The following U2AF2 variants were observed in gnomAD, a reference collection of about 807,000 sequenced individuals.
U2AF2 encodes the protein splicing factor U2AF 65 kDa subunit.
In U2AF2, 6 loss-of-function variants were observed where a neutral mutation model predicts 52.6. The observed-to-expected ratio is 0.11, with a 90% CI of 0.06 to 0.23. The LOEUF (loss-of-function observed/expected upper bound fraction) is 0.23. Among genes scored for constraint, U2AF2 ranks in the 10% least tolerant of loss-of-function variants. U2AF2 has a pLI of 1.00. For missense variants in U2AF2, 222 were observed against 677.1 expected (o/e 0.33, Z 7.46); for synonymous variants, 284 against 258.2 (o/e 1.10, Z -0.96).
chr19:55,659,243 G>A lies in U2AF2; in HGVS notation c.83G>A (p.Ser28Asn). ...RDKENRHRKRSHSRSRSRDRK... is the reference protein window; with the variant it reads ...RDKENRHRKRNHSRSRSRDRK... ...AAGGAGAACCGGCATCGGAAGCGCA[G>A]CCACAGCCGCTCTCGGAGCCGGGAC... The change falls in exon 2 of 12, where the codon AGC (serine) becomes AAC (asparagine). Residue 28 changes from serine (S) to asparagine (N), a missense_variant. Physicochemically the swap from Ser to Asn is conservative, Grantham distance 46. Coordinates refer to ENST00000308924, the MANE Select transcript of U2AF2 (RefSeq NM_007279.3). 2 of 1,600,554 alleles carry A rather than the reference G, an allele frequency of 1.2e-6. No homozygotes were observed. The highest frequency in any genetic ancestry group is 1.7e-6 in the Non-Finnish European group (2 of 1,172,882).
At chr19:55,665,640 G>A (rs1448597444) in intron 7 of U2AF2, among the ~76,000 whole-genome samples, 1 of 152,180 alleles carries the variant, frequency 6.6e-6, no homozygotes, top group Non-Finnish European at 1.5e-5. Flanking sequence ...CCCACTGCCT[G>A]TTTTTTGTTT....
rs149491308 is a variant in U2AF2 at position 55,662,540 on chromosome 19, G to T, written c.525G>T (p.Leu175=). 2.1e-5 allele frequency: 33 copies of T among 1,607,074 alleles called. No individual in the cohort carries two copies. Among genetic ancestry groups the T allele is most frequent in the South Asian group, 4.4e-5 (4 of 90,706 alleles). The part of the protein sequence containing the change: ...MMDFFNAQMR[L]GGLTQAPGNP... ...ATTTCTTCAACGCCCAGATGCGCCT[G>T]GGGGGGCTGACCCAGGCCCCTGGCA... The change falls in exon 6 of 12, where the codon CTG becomes CTT. Residue 175 remains leucine, a synonymous_variant. Transcript: ENST00000308924.
At chr19:55,665,166 C>T (rs1318274620) in intron 7 of U2AF2, among the ~76,000 whole-genome samples, 2 of 152,232 alleles carry the variant, frequency 1.3e-5, no homozygotes, top group Non-Finnish European at 2.9e-5. Context: ...ACGTCTCTTC[C>T]TGGTGAATCC....
chr19:55,659,905 C>T (rs1432506063), intron 2 of U2AF2, among the ~76,000 whole-genome samples: 1 of 152,132 alleles, frequency 6.6e-6, no homozygotes, highest in Non-Finnish European at 1.5e-5. Context: ...GCAGGATAGG[C>T]GGAAGTCCTC....
At chr19:55,661,255 A>G (rs1033267743) in intron 5 of U2AF2, 66 bp downstream of exon 5, 2 of 1,322,456 alleles carry the variant, frequency 1.5e-6, no homozygotes, top group Admixed American at 2.9e-5. Flanking sequence ...CCTTCCCTCC[A>G]TTCCCTTTCC....
In U2AF2 at chr19:55,672,642, TG is replaced by T. The variant is rs534294190; in HGVS notation, c.1294-1291del. 9.8e-5 allele frequency among the ~76,000 whole-genome samples: 15 copies of T among 152,328 alleles called. No individual in the cohort carries two copies. The East Asian group carries it at 1.5e-3, about 16-fold the overall frequency. On this transcript the variant is annotated intron_variant, in intron 11 of 11. Transcript: ENST00000308924. ...ACCAGATAACCTTAAAAAATTGTTT[TG>T]TTTTTTTAACAAAACCACAATAGCA...
Position 55,660,532 on chromosome 19 carries a change from G to A in U2AF2, c.247G>A (p.Glu83Lys), listed in dbSNP as rs1568549584. ...HGGLIRSPRH[E>K]KKKKVRKYWD... Reference sequence around the variant, plus strand: ...CTCCCCCAGTCGTTCCCCCCGCCACGAGAAGAAGAAGAAGGTCCGTAAATA... The same window carrying A: ...CTCCCCCAGTCGTTCCCCCCGCCACAAGAAGAAGAAGAAGGTCCGTAAATA... The change falls in exon 4 of 12, where the codon GAG (glutamate) becomes AAG (lysine). Residue 83 changes from glutamate (E) to lysine (K), a missense_variant. Glu to Lys is a moderately conservative substitution (Grantham distance 56). Coordinates refer to ENST00000308924, the MANE Select transcript of U2AF2 (RefSeq NM_007279.3). The A allele has an allele frequency of 3.7e-6, 3 of 808,398 alleles. No individual in the cohort carries two copies. Among genetic ancestry groups the A allele is most frequent in the East Asian group, 5.8e-5 (1 of 17,388 alleles). 50.1% of individuals were successfully genotyped at this position (808,398 alleles called of 1,614,324 possible).
At chr19:55,658,049 T>G (rs1203114016) in intron 1 of U2AF2, among the ~76,000 whole-genome samples, 1 of 152,172 alleles carries the variant, frequency 6.6e-6, no homozygotes, top group African/African-American at 2.4e-5. Flanking sequence ...TTGTGATGCT[T>G]TTCCAGACAT....
intron 6 of U2AF2, 58 bp downstream of exon 6, chr19:55,662,676 T>C: frequency 1.4e-6 from 2 of 1,476,686 alleles, no homozygotes; most frequent in Non-Finnish European, 9.4e-7. Context: ...GGCCCAGCCC[T>C]TAGGCTGATG....
intron 1 of U2AF2, among the ~76,000 whole-genome samples, chr19:55,656,892 T>C (rs574688197): frequency 6.8e-4 from 103 of 152,340 alleles, no homozygotes; most frequent in African/African-American, 2.5e-3. Flanking sequence ...AGAGATTGTG[T>C]CAGAGTTGGG....
rs1983684392 is a variant in U2AF2 at position 55,655,085 on chromosome 19, C to T, written c.-20C>T. ...AAGGCGAGGCGAAAGCTGCACAGGGCCCTACGCGGCCGCCTCAGCATGTCG... is the reference window on the plus strand; with the variant it reads ...AAGGCGAGGCGAAAGCTGCACAGGGTCCTACGCGGCCGCCTCAGCATGTCG... On this transcript the variant is annotated 5_prime_UTR_variant, in exon 1 of 12. Coordinates refer to ENST00000308924, the MANE Select transcript of U2AF2 (RefSeq NM_007279.3). The T allele has an allele frequency of 5.6e-6, 9 of 1,605,648 alleles. No homozygotes were observed. The highest frequency in any genetic ancestry group is 3.3e-5 in the South Asian group (3 of 90,660).
At chr19:55,664,433 C>A (rs904026498) in intron 7 of U2AF2, among the ~76,000 whole-genome samples, 1 of 152,178 alleles carries the variant, frequency 6.6e-6, no homozygotes, top group Non-Finnish European at 1.5e-5. Context: ...TGTGCAAAAC[C>A]AGGTGATGGG....
intron 7 of U2AF2, among the ~76,000 whole-genome samples, chr19:55,667,674 C>T (rs1487144680): frequency 3.3e-5 from 5 of 152,212 alleles, no homozygotes; most frequent in Admixed American, 6.5e-5. Flanking sequence ...TGTTCTGAGA[C>T]TTCCCGGGCA....
intron 5 of U2AF2, 21 bp downstream of exon 5, chr19:55,661,210 C>T: frequency 1.9e-6 from 3 of 1,565,416 alleles, no homozygotes; most frequent in Non-Finnish European, 1.7e-6. Context: ...CCCCTGCCCC[C>T]TACCCTCTCC....
Position 55,668,798 on chromosome 19 carries a change from TC to T in U2AF2, c.945+10del, listed in dbSNP as rs1179464129. 1 of 1,607,962 alleles carries T rather than the reference TC, an allele frequency of 6.2e-7. No homozygotes were observed. The highest frequency in any genetic ancestry group is 1.3e-5 in the African/African-American group (1 of 74,888). On this transcript the variant is annotated splice_region_variant and intron_variant, in intron 9 of 11. Transcript: ENST00000308924. The surrounding 1 kb of genome is among the most constrained non-coding windows in gnomAD (Gnocchi z 5.5). Reference sequence around the variant, plus strand: ...ACATCAACGTCACGGATCAGGTGAGTCCCCGGTCGCTGGCCGCTGCCGCGTC... The same window carrying T: ...ACATCAACGTCACGGATCAGGTGAGTCCCGGTCGCTGGCCGCTGCCGCGTC...
intron 1 of U2AF2, 32 bp downstream of exon 1, chr19:55,655,185 T>C (rs1600065514): frequency 6.3e-7 from 1 of 1,591,246 alleles, no homozygotes. Flanking sequence ...GGCGGAGGTG[T>C]GGGCGGCTCC....
rs934313952 is a variant in U2AF2 at position 55,674,169 on chromosome 19, G to C, written c.*101G>C. ...GAAGACGATGGGCAGAGGAGTGACA[G>C]CCGCAGACACACGACAGCCGGCAGC... is the stretch of plus-strand genomic sequence containing the variant. On this transcript the variant is annotated 3_prime_UTR_variant, in exon 12 of 12. Coordinates refer to ENST00000308924, the MANE Select transcript of U2AF2 (RefSeq NM_007279.3). 10 of 958,324 alleles carry C rather than the reference G, an allele frequency of 1.0e-5. No individual in the cohort carries two copies. Among genetic ancestry groups the C allele is most frequent in the Non-Finnish European group, 1.3e-6 (1 of 767,848 alleles). 59.4% of individuals were successfully genotyped at this position (958,324 alleles called of 1,614,324 possible). A position where few individuals can be genotyped will look rare whatever the true frequency, so the allele number is the denominator to read the frequency against.
chr19:55,663,280 C>T (rs555981577), intron 6 of U2AF2, among the ~76,000 whole-genome samples: 47 of 152,326 alleles, frequency 3.1e-4, no homozygotes, highest in African/African-American at 1.0e-3. Context: ...ACCAGAAAGA[C>T]TCCAGTACTG....
At position 55,674,390 on chromosome 19, in the gene U2AF2, C is replaced by T; in HGVS notation, c.*322C>T. The T allele has an allele frequency of 3.3e-6, 1 of 305,160 alleles. No individual in the cohort carries two copies. The highest frequency in any genetic ancestry group is 6.2e-6 in the Non-Finnish European group (1 of 160,348). The allele number at this position is 305,160 out of a possible 1,614,324, so 18.9% of individuals were successfully genotyped here. ...GGACCCCAGCCCCTCCCAAAACAGC[C>T]TCTCCTTCTCCCATAGACCCCTTTC... is the stretch of plus-strand genomic sequence containing the variant. On this transcript the variant is annotated 3_prime_UTR_variant, in exon 12 of 12. Transcript: ENST00000308924.
Sources: allele counts gnomAD v4.1 joint callset (sites outside exome capture counted in the v4.1 genomes callset), GRCh38; gene constraint gnomAD v4.1.1; non-coding constraint Gnocchi (gnomAD v3.1); transcripts MANE v1.5; gene names NCBI Gene and HGNC (gene_info 2026-07-23, HGNC 2026-07-21).